The following EMP1 variants were observed in gnomAD, a reference collection of about 807,000 sequenced individuals.
EMP1 encodes the protein epithelial membrane protein 1.
A neutral mutation model predicts 15.7 loss-of-function variants in EMP1; 5 were observed. The observed-to-expected ratio is 0.32, with a 90% confidence interval of 0.17 to 0.67. The LOEUF is 0.67. EMP1 is among the 30% of genes least tolerant of loss of function. EMP1 has a pLI of 0.74. For synonymous variants in EMP1, 78 were observed against 76.7 expected, an observed-to-expected ratio of 1.02 and a Z score of -0.09; for missense variants, 166 against 194.2, an observed-to-expected ratio of 0.85 and a Z score of 0.86.
intron 1 of EMP1, among the ~76,000 whole-genome samples, chr12:13,202,281 G>C (rs1864072758): frequency 6.6e-6 from 1 of 152,184 alleles, no homozygotes; most frequent in Non-Finnish European, 1.5e-5. Context: ...GTTTTTTCAG[G>C]ATGGTTGACA....
At chr12:13,200,051 G>A (rs1201336262) in intron 1 of EMP1, among the ~76,000 whole-genome samples, 1 of 150,378 alleles carries the variant, frequency 6.6e-6, no homozygotes, top group African/African-American at 2.5e-5. Flanking sequence ...TCATACTCAC[G>A]GGGTTTTTGA....
intron 1 of EMP1, among the ~76,000 whole-genome samples, chr12:13,203,283 C>T (rs1046246149): frequency 6.6e-6 from 1 of 152,320 alleles, no homozygotes; most frequent in Non-Finnish European, 1.5e-5. Flanking sequence ...CCAGAACACT[C>T]GTTTGTCAAA....
intron 1 of EMP1, among the ~76,000 whole-genome samples, chr12:13,210,791 T>C (rs1591709259): frequency 6.6e-6 from 1 of 152,212 alleles, no homozygotes; most frequent in Non-Finnish European, 1.5e-5. Context: ...AAGGCTCAGG[T>C]GTAGTAATAC....
chr12:13,216,144 T>A lies in EMP1; in HGVS notation c.*1453T>A, dbSNP rs1300370587. On this transcript the variant is annotated 3_prime_UTR_variant, in exon 5 of 5. Transcript: ENST00000256951. ...CCTGGAGCAGCTATTTTAAGCCATC[T>A]CAGATTCTGTCTAAAGGGGTTTTTT... 2.2e-6 allele frequency: 1 copy of A among 461,382 alleles called. No individual in the cohort carries two copies. Among genetic ancestry groups the A allele is most frequent in the Non-Finnish European group, 3.9e-6 (1 of 258,352 alleles). 28.6% of individuals were successfully genotyped at this position (461,382 alleles called of 1,614,324 possible).
In EMP1 at chr12:13,215,937, C is replaced by T. The variant is rs777416820; in HGVS notation, c.*1246C>T. 8.7e-5 allele frequency: 14 copies of T among 161,416 alleles called. No homozygotes were observed. Among genetic ancestry groups the T allele is most frequent in the African/African-American group, 2.9e-4 (12 of 41,472 alleles). 10.0% of individuals were successfully genotyped at this position (161,416 alleles called of 1,614,324 possible). Reference sequence around the variant, plus strand: ...GAGTGCCTGCATTCCCAGGAAAATACGAAAATCCCATGAGATAAATAAAAA... The same window carrying T: ...GAGTGCCTGCATTCCCAGGAAAATATGAAAATCCCATGAGATAAATAAAAA... On this transcript the variant is annotated 3_prime_UTR_variant, in exon 5 of 5. Transcript: ENST00000256951.
At chr12:13,202,636 G>T (rs1376641638) in intron 1 of EMP1, among the ~76,000 whole-genome samples, 2 of 152,148 alleles carry the variant, frequency 1.3e-5, no homozygotes, top group East Asian at 3.8e-4. Context: ...AGGTTGCTCG[G>T]AGTTTGCAGG....
chr12:13,209,120 A>T (rs1434327471), intron 1 of EMP1: 2 of 152,364 alleles, frequency 1.3e-5, no homozygotes, highest in African/African-American at 4.8e-5. Context: ...TTTTAAGAAG[A>T]GGATGTTTGT....
intron 1 of EMP1, among the ~76,000 whole-genome samples, chr12:13,204,177 A>G (rs1024053063): frequency 2.0e-5 from 3 of 152,158 alleles, no homozygotes; most frequent in Admixed American, 6.5e-5. Flanking sequence ...TTCCACACCA[A>G]ACATGAGCTA....
chr12:13,200,263 G>A (rs1468445472), intron 1 of EMP1, among the ~76,000 whole-genome samples: 2 of 152,124 alleles, frequency 1.3e-5, no homozygotes, highest in Admixed American at 6.5e-5. Flanking sequence ...TTCTAGCTAG[G>A]CCTTTTGGGG....
intron 1 of EMP1, among the ~76,000 whole-genome samples, chr12:13,207,235 C>T (rs983362952): frequency 3.9e-5 from 6 of 152,128 alleles, no homozygotes; most frequent in African/African-American, 1.2e-4. Context: ...CCTCAGCCTC[C>T]CCAGTAGCTG....
chr12:13,205,878 A>G lies in EMP1; in HGVS notation c.-42-5591A>G, dbSNP rs566422207. ...GCAGAGCTTTTATTTTTGGAAATCC[A>G]AGTCCTGGGATTGCAAGGGCTGGCT... On this transcript the variant is annotated intron_variant, in intron 1 of 4. Transcript: ENST00000256951. Among the ~76,000 whole-genome samples, 4 of 152,330 alleles carry G rather than the reference A, an allele frequency of 2.6e-5. No individual in the cohort carries two copies. In the South Asian group the frequency reaches 8.3e-4, roughly 32 times the overall value.
At position 13,219,892 on chromosome 12, in the gene EMP1, T is replaced by C. The variant is rs1160072216; in HGVS notation, c.*5201T>C. 1 of 152,222 alleles carries C rather than the reference T, an allele frequency of 6.6e-6. No individual in the cohort carries two copies. Among genetic ancestry groups the C allele is most frequent in the Non-Finnish European group, 1.5e-5 (1 of 68,030 alleles). The allele number at this position is 152,222 out of a possible 1,614,324, so 9.4% of individuals were successfully genotyped here. ...TTATGATATGGGCTAAAAAGACTTC[T>C]GTAATCTAGCTTGGAAACTTAATAA... On this transcript the variant is annotated 3_prime_UTR_variant, in exon 5 of 5. Transcript: ENST00000256951.
At chr12:13,212,564 A>C (rs1393535631) in intron 2 of EMP1, among the ~76,000 whole-genome samples, 1 of 152,206 alleles carries the variant, frequency 6.6e-6, no homozygotes, top group African/African-American at 2.4e-5. Flanking sequence ...CTATATGTCA[A>C]CTCCTATATC....
intron 1 of EMP1, among the ~76,000 whole-genome samples, chr12:13,203,159 G>A (rs780434001): frequency 8.5e-5 from 13 of 152,122 alleles, no homozygotes; most frequent in Non-Finnish European, 1.5e-4. Context: ...GCATGTTGCC[G>A]CCATCTACTG....
At chr12:13,203,705 T>A (rs1864086068) in intron 1 of EMP1, among the ~76,000 whole-genome samples, 1 of 152,250 alleles carries the variant, frequency 6.6e-6, no homozygotes, top group South Asian at 2.1e-4. Flanking sequence ...CTGTGAGGTC[T>A]ACAGGTCACA....
At position 13,217,315 on chromosome 12, in the gene EMP1, G is replaced by A. The variant is rs991516520; in HGVS notation, c.*2624G>A. ...GATAAAGACTGCATATCCTTGTGTC[G>A]TGTCAGCACCAATACAATAAGGAGG... On this transcript the variant is annotated 3_prime_UTR_variant, in exon 5 of 5. Coordinates refer to ENST00000256951, the MANE Select transcript of EMP1 (RefSeq NM_001423.3). 9 of 152,178 alleles carry A rather than the reference G, an allele frequency of 5.9e-5. No homozygotes were observed. The highest frequency in any genetic ancestry group is 2.2e-4 in the African/African-American group (9 of 41,428). 9.4% of individuals were successfully genotyped at this position (152,178 alleles called of 1,614,324 possible). A position where few individuals can be genotyped will look rare whatever the true frequency, so the allele number is the denominator to read the frequency against.
At chr12:13,213,845 C>T in intron 4 of EMP1, 24 bp downstream of exon 4, 2 of 1,612,398 alleles carry the variant, frequency 1.2e-6, no homozygotes, top group Non-Finnish European at 1.7e-6. Flanking sequence ...GGGTAGACTC[C>T]AGTTTACACT....
intron 1 of EMP1, among the ~76,000 whole-genome samples, chr12:13,199,820 C>T (rs1430289564): frequency 3.3e-5 from 5 of 152,144 alleles, no homozygotes; most frequent in Non-Finnish European, 7.4e-5. Flanking sequence ...TGGCCTGAAA[C>T]AACTCAGAAA....
At chr12:13,206,325 G>A (rs368861494) in intron 1 of EMP1, among the ~76,000 whole-genome samples, 6 of 152,112 alleles carry the variant, frequency 3.9e-5, no homozygotes, top group Admixed American at 1.3e-4. Context: ...AAGCTCTCTC[G>A]TGCCCTTTTG....
Sources: allele counts gnomAD v4.1 joint callset (sites outside exome capture counted in the v4.1 genomes callset), GRCh38; gene constraint gnomAD v4.1.1; transcripts MANE v1.5; gene names NCBI Gene and HGNC (gene_info 2026-07-23, HGNC 2026-07-21).